The following ELL variants were observed in gnomAD, a reference collection of about 807,000 sequenced individuals.
ELL encodes the protein elongation factor for RNA polymerase II, also known as RNA polymerase II elongation factor ELL.
In ELL, 18 loss-of-function variants were observed where a neutral mutation model predicts 64.0. That is an observed-to-expected ratio of 0.28 (90% CI 0.19 to 0.42). The LOEUF (loss-of-function observed/expected upper bound fraction) is 0.42, where lower values mean the gene tolerates loss of function less well. Among genes scored for constraint, ELL ranks in the 10% least tolerant of loss-of-function variants. The pLI is 1.00. For missense variants in ELL, 797 were observed against 870.4 expected, an observed-to-expected ratio of 0.92 and a Z score of 1.06; for synonymous variants, 399 against 376.2, an observed-to-expected ratio of 1.06 and a Z score of -0.70.
intron 7 of ELL, 70 bp downstream of exon 7, chr19:18,451,482 A>T: frequency 7.8e-7 from 1 of 1,281,946 alleles, no homozygotes; most frequent in Non-Finnish European, 1.0e-6. Context: ...GAAGGTGACA[A>T]GGGTTACTGA....
chr19:18,495,122 C>T (rs571390778), intron 1 of ELL, among the ~76,000 whole-genome samples: 14 of 152,332 alleles, frequency 9.2e-5, no homozygotes, highest in African/African-American at 3.4e-4. Flanking sequence ...TAGACAAAAA[C>T]TAGAGTGACA....
chr19:18,446,419 C>T lies in ELL; in HGVS notation c.1594G>A (p.Glu532Lys), dbSNP rs775821472. 1 of 1,612,814 alleles carries T rather than the reference C, an allele frequency of 6.2e-7. No individual in the cohort carries two copies. The highest frequency in any genetic ancestry group is 8.5e-7 in the Non-Finnish European group (1 of 1,179,916). The change falls in exon 10 of 12, where the codon GAG becomes AAG. Residue 532 changes from glutamate (E) to lysine (K), a missense_variant. Physicochemically the swap from Glu to Lys is moderately conservative, Grantham distance 56. Transcript: ENST00000262809. ...RQSYKNDFNA[E>K]YSEYRDLHAR... is the part of the protein sequence containing the mutation. ...TGCAGGTCGCGGTACTCGCTGTACT[C>T]GGCATTGAAGTCGTTCTTGTAGCTC... is the stretch of plus-strand genomic sequence containing the variant.
At chr19:18,473,324 A>G in intron 1 of ELL, 1 of 402,486 alleles carries the variant, frequency 2.5e-6, no homozygotes, top group East Asian at 7.2e-5. Flanking sequence ...GGACCCATAC[A>G]GGCAAAAGCA....
Position 18,461,670 on chromosome 19 carries a change from G to C in ELL, c.652C>G (p.Arg218Gly), listed in dbSNP as rs763983548. 2 of 1,613,162 alleles carry C rather than the reference G, an allele frequency of 1.2e-6. No homozygotes were observed. Among genetic ancestry groups the C allele is most frequent in the Non-Finnish European group, 1.7e-6 (2 of 1,179,982 alleles). The change falls in exon 5 of 12, where the codon CGG becomes GGG. Residue 218 changes from arginine to glycine, a missense_variant. Transcript: ENST00000262809. The part of the protein sequence containing the change: ...RDRVLHLLAL[R>G]PYRKAELLLR... ...AGCAGCTCAGCCTTGCGGTAGGGCCGTAGTGCCAGGAGGTGCAGCACTCGG... is the reference window on the plus strand; with the variant it reads ...AGCAGCTCAGCCTTGCGGTAGGGCCCTAGTGCCAGGAGGTGCAGCACTCGG...
At chr19:18,521,235 G>A (rs1976263852) in intron 1 of ELL, among the ~76,000 whole-genome samples, 1 of 152,056 alleles carries the variant, frequency 6.6e-6, no homozygotes, top group East Asian at 1.9e-4. Context: ...TCTCTCCGGA[G>A]AGAGAGGGTC....
At chr19:18,474,677 C>A (rs1975140122) in intron 1 of ELL, among the ~76,000 whole-genome samples, 1 of 152,216 alleles carries the variant, frequency 6.6e-6, no homozygotes, top group African/African-American at 2.4e-5. Context: ...TGTGCTACTG[C>A]GACAAGGGGG....
intron 1 of ELL, among the ~76,000 whole-genome samples, chr19:18,488,219 C>T (rs944507293): frequency 6.6e-6 from 1 of 152,200 alleles, no homozygotes; most frequent in Non-Finnish European, 1.5e-5. Flanking sequence ...CGTGGGTAAG[C>T]GTACACCAAG....
At chr19:18,513,911 A>C (rs1165544470) in intron 1 of ELL, among the ~76,000 whole-genome samples, 5 of 152,282 alleles carry the variant, frequency 3.3e-5, no homozygotes, top group Non-Finnish European at 7.4e-5. Flanking sequence ...AGACTGGGCG[A>C]CAGAGCGAGA....
At chr19:18,509,139 T>TG (rs980484012) in intron 1 of ELL, among the ~76,000 whole-genome samples, 2 of 151,864 alleles carry the variant, frequency 1.3e-5, no homozygotes, top group African/African-American at 4.8e-5. Flanking sequence ...AGAGTAGCCG[T>TG]GAGCAGGAGG....
intron 6 of ELL, among the ~76,000 whole-genome samples, chr19:18,455,042 G>A (rs1482549967): frequency 1.5e-4 from 22 of 149,892 alleles, no homozygotes; most frequent in African/African-American, 5.4e-4. Flanking sequence ...TCAGGAGGCT[G>A]AGGCAGGAGA....
At chr19:18,482,231 T>G (rs562591726) in intron 1 of ELL, among the ~76,000 whole-genome samples, 17 of 142,734 alleles carry the variant, frequency 1.2e-4, no homozygotes, top group East Asian at 1.2e-3. Flanking sequence ...AGTTTTGAGG[T>G]TTTTTTTTTT....
chr19:18,495,456 A>G (rs10411009), intron 1 of ELL, among the ~76,000 whole-genome samples: 69,639 of 152,068 alleles, frequency 0.46, 18,300 homozygotes, highest in African/African-American at 0.74. Context: ...CAGGGAGGGC[A>G]CAACACCCAC....
chr19:18,505,521 T>C (rs1403881842), intron 1 of ELL, among the ~76,000 whole-genome samples: 2 of 152,218 alleles, frequency 1.3e-5, no homozygotes, highest in Non-Finnish European at 2.9e-5. Context: ...CAGAGTTTCC[T>C]AGGTTTTGGT....
chr19:18,517,059 C>T (rs561477360), intron 1 of ELL, among the ~76,000 whole-genome samples: 2 of 152,220 alleles, frequency 1.3e-5, no homozygotes, highest in South Asian at 2.1e-4. Flanking sequence ...CATGCAAACA[C>T]CTAATGATGA....
chr19:18,509,649 ACACACACACTC>A (rs1975973720), intron 1 of ELL, among the ~76,000 whole-genome samples: 1 of 126,464 alleles, frequency 7.9e-6, no homozygotes, highest in South Asian at 2.6e-4. Context: ...ACACACACAC[ACACACACACTC>A]CCCTCCCCAA....
chr19:18,483,512 G>A (rs896697613), intron 1 of ELL, among the ~76,000 whole-genome samples: 1 of 152,132 alleles, frequency 6.6e-6, no homozygotes, highest in Non-Finnish European at 1.5e-5. Context: ...TACCACAGAC[G>A]GCCAGCCTCC....
Position 18,446,351 on chromosome 19 carries a change from G to A in ELL, c.1662C>T (p.Asp554=), listed in dbSNP as rs536085480. Residue 554 remains aspartate (D), a synonymous_variant, in exon 10 of 12, where the codon GAC becomes GAT. Transcript: ENST00000262809. ...CCTGGGAGAGCTGCCGGAGCTGGGC[G>A]TCGAGCTGGGTGAACCGCCGCGTGA... is the stretch of plus-strand genomic sequence containing the variant. ...ERITRRFTQL[D]AQLRQLSQGS... 4.4e-6 allele frequency: 7 copies of A among 1,603,414 alleles called. No individual in the cohort carries two copies. Among genetic ancestry groups the A allele is most frequent in the East Asian group, 2.2e-5 (1 of 44,534 alleles).
At chr19:18,509,598 T>C (rs2434469) in intron 1 of ELL, among the ~76,000 whole-genome samples, 2,867 of 81,062 alleles carry the variant, frequency 0.035, 205 homozygotes, top group African/African-American at 0.077. Flanking sequence ...CGCGCGCACA[T>C]ACACACACAC....
intron 6 of ELL, 77 bp from the exon 7 acceptor site, chr19:18,451,725 C>T: frequency 8.4e-7 from 1 of 1,184,138 alleles, no homozygotes; most frequent in East Asian, 3.1e-5. Context: ...CACATGGGGG[C>T]CCGGTGGAGA....
Sources: gnomAD v4.1 joint callset for allele counts (sites outside exome capture counted in the v4.1 genomes callset) on GRCh38, gnomAD v4.1.1 for gene constraint, MANE v1.5 for transcripts, NCBI Gene and HGNC (gene_info 2026-07-23, HGNC 2026-07-21) for gene names.